Variants in EPHB2 observed in about 807,000 individuals in gnomAD.
EPHB2 encodes ephrin type-B receptor 2.
A neutral mutation model predicts 96.4 loss-of-function variants in EPHB2; 18 were observed. That is an observed-to-expected ratio of 0.19 (90% confidence interval 0.13 to 0.28). The LOEUF is 0.28. EPHB2 is among the 10% of genes least tolerant of loss of function. EPHB2 has a pLI of 1.00. For synonymous variants in EPHB2, 506 were observed against 534.1 expected, an observed-to-expected ratio of 0.95 and a Z score of 0.72; for missense variants, 989 against 1,355.4, an observed-to-expected ratio of 0.73 and a Z score of 4.25.
chr1:22,780,260 T>A (rs940277019), intron 1 of EPHB2, among the ~76,000 whole-genome samples: 7 of 150,842 alleles, frequency 4.6e-5, no homozygotes, highest in Non-Finnish European at 1.0e-4. Flanking sequence ...TCTAGGGCCA[T>A]GTGGCTCTTC....
At chr1:22,758,213 C>T (rs4655106) in intron 1 of EPHB2, among the ~76,000 whole-genome samples, 139,046 of 151,574 alleles carry the variant, frequency 0.92, 64,763 homozygotes, top group South Asian at 0.99. Context: ...CCACCGCGCC[C>T]GGCCTAAGTT....
chr1:22,823,295 C>T (rs75584791), intron 3 of EPHB2, among the ~76,000 whole-genome samples: 3,475 of 152,324 alleles, frequency 0.023, 61 homozygotes, highest in Non-Finnish European at 0.033. Flanking sequence ...TGGGTATCAC[C>T]TCCTCCAGGA....
At chr1:22,850,526 G>A (rs971382363) in intron 3 of EPHB2, among the ~76,000 whole-genome samples, 2 of 152,240 alleles carry the variant, frequency 1.3e-5, no homozygotes, top group Non-Finnish European at 2.9e-5. Flanking sequence ...GGCCCTGCCA[G>A]ATGTGTCAAG....
At chr1:22,742,055 T>C (rs1643910787) in intron 1 of EPHB2, among the ~76,000 whole-genome samples, 1 of 135,882 alleles carries the variant, frequency 7.4e-6, no homozygotes, top group African/African-American at 2.7e-5. Context: ...AAGAACAGCT[T>C]GCCCGAGGTC....
chr1:22,772,069 C>G (rs1302963487), intron 1 of EPHB2, among the ~76,000 whole-genome samples: 1 of 151,966 alleles, frequency 6.6e-6, no homozygotes, highest in Admixed American at 6.6e-5. Context: ...CCACCCACCC[C>G]ACCCCCAGCA....
At chr1:22,757,953 C>T (rs1312749586) in intron 1 of EPHB2, among the ~76,000 whole-genome samples, 1 of 141,038 alleles carries the variant, frequency 7.1e-6, no homozygotes, top group Admixed American at 7.2e-5. Flanking sequence ...GAGTCTCGCT[C>T]TGTTGCCCAG....
At chr1:22,859,685 C>T (rs998224729) in intron 3 of EPHB2, among the ~76,000 whole-genome samples, 2 of 151,670 alleles carry the variant, frequency 1.3e-5, no homozygotes, top group Non-Finnish European at 2.9e-5. Context: ...CCCAGCTACT[C>T]GGGAGGCTGA....
chr1:22,792,968 A>G (rs1209139995), intron 3 of EPHB2, among the ~76,000 whole-genome samples: 1 of 152,134 alleles, frequency 6.6e-6, no homozygotes, highest in Non-Finnish European at 1.5e-5. Context: ...AGGAGGGGCC[A>G]CTGCGGTGGA....
At chr1:22,794,540 C>T (rs925379651) in intron 3 of EPHB2, among the ~76,000 whole-genome samples, 2 of 152,174 alleles carry the variant, frequency 1.3e-5, no homozygotes, top group African/African-American at 4.8e-5. Flanking sequence ...TGGCCAATGT[C>T]ACACCCCTCT....
intron 3 of EPHB2, 114 bp downstream of exon 3, chr1:22,785,190 A>G (rs1644593647): frequency 7.6e-7 from 1 of 1,311,568 alleles, no homozygotes; most frequent in East Asian, 2.5e-5. Context: ...ACCATGAGGC[A>G]CTCTAGGGCC....
At chr1:22,774,148 C>T (rs1644415887) in intron 1 of EPHB2, among the ~76,000 whole-genome samples, 1 of 152,172 alleles carries the variant, frequency 6.6e-6, no homozygotes, top group South Asian at 2.1e-4. Flanking sequence ...CACATGCCAC[C>T]TCCTCTGAGA....
chr1:22,905,978 G>T lies in EPHB2; in HGVS notation c.1766-9G>T, dbSNP rs192570926. ...AGTCCATATGACAGAGCCTGGTCTT[G>T]TCCCCCAGTGACCCCAGGCATGAAG... On this transcript the variant is annotated splice_polypyrimidine_tract_variant and intron_variant, in intron 9 of 15. Coordinates refer to ENST00000374630, the MANE Select transcript of EPHB2 (RefSeq NM_017449.5). 3,067 of 1,614,012 alleles carry T rather than the reference G, an allele frequency of 1.9e-3. 4 individuals are homozygous for T. The highest frequency in any genetic ancestry group is 2.4e-3 in the Non-Finnish European group (2,818 of 1,179,990).
Position 22,895,526 on chromosome 1 carries a change from C to T in EPHB2, c.1646C>T (p.Ala549Val), listed in dbSNP as rs776319824. The T allele has an allele frequency of 6.2e-7, 1 of 1,614,262 alleles. No homozygotes were observed. Among genetic ancestry groups the T allele is most frequent in the Non-Finnish European group, 8.5e-7 (1 of 1,180,046 alleles). Residue 549 changes from alanine to valine, a missense_variant, in exon 8 of 16, where the codon GCC (alanine) becomes GTC (valine). Ala to Val is a moderately conservative substitution (Grantham distance 64). Transcript: ENST00000374630. ...TTGCCACTCATCATCGGCTCCTCGG[C>T]CGCTGGCCTGGTCTTCCTCATTGCT... ...EKLPLIIGSS[A>V]AGLVFLIAVV... is the part of the protein sequence containing the mutation.
chr1:22,792,140 C>T (rs969325251), intron 3 of EPHB2, among the ~76,000 whole-genome samples: 11 of 151,344 alleles, frequency 7.3e-5, no homozygotes, highest in African/African-American at 2.4e-4. Context: ...GCTTTCAGCT[C>T]GAGCCCTTCT....
At chr1:22,900,376 C>T (rs973437058) in intron 9 of EPHB2, among the ~76,000 whole-genome samples, 2 of 152,208 alleles carry the variant, frequency 1.3e-5, no homozygotes, top group African/African-American at 4.8e-5. Flanking sequence ...ATAGATGTGG[C>T]TAGACGTACT....
intron 1 of EPHB2, among the ~76,000 whole-genome samples, chr1:22,772,566 G>T (rs780149354): frequency 1.3e-5 from 2 of 152,178 alleles, no homozygotes; most frequent in African/African-American, 4.8e-5. Context: ...CTAGTCGGGG[G>T]CTTCTCTGGC....
chr1:22,764,841 G>A lies in EPHB2; in HGVS notation c.62-16580G>A, dbSNP rs74060668. 3.1e-3 allele frequency among the ~76,000 whole-genome samples: 474 copies of A among 152,304 alleles called. 2 individuals are homozygous for A. Among genetic ancestry groups the A allele is most frequent in the African/African-American group, 0.011 (461 of 41,568 alleles). On this transcript the variant is annotated intron_variant, in intron 1 of 15. Transcript: ENST00000374630. ...CCTGGTGTTTGGACCTAACACCTGGGTTCTGCTGCCAGGTTCCCGCTCCCC... is the reference window on the plus strand; with the variant it reads ...CCTGGTGTTTGGACCTAACACCTGGATTCTGCTGCCAGGTTCCCGCTCCCC...
chr1:22,772,533 G>GACA (rs1439612359), intron 1 of EPHB2, among the ~76,000 whole-genome samples: 1 of 152,236 alleles, frequency 6.6e-6, no homozygotes, highest in East Asian at 1.9e-4. Context: ...TTTCACTTTA[G>GACA]AAAATCTGCA....
chr1:22,865,467 T>G (rs1169305123), intron 5 of EPHB2, among the ~76,000 whole-genome samples: 1 of 152,182 alleles, frequency 6.6e-6, no homozygotes, highest in Admixed American at 6.5e-5. Flanking sequence ...GATCCAACAT[T>G]AGGTGACTTA....
Sources: allele counts gnomAD v4.1 joint callset (sites outside exome capture counted in the v4.1 genomes callset), GRCh38; gene constraint gnomAD v4.1.1; transcripts MANE v1.5; gene names NCBI Gene and HGNC (gene_info 2026-07-23, HGNC 2026-07-21).